The following ADGRL2 variants were observed in gnomAD, a reference collection of about 807,000 sequenced individuals.
The protein encoded by ADGRL2 is calcium-independent alpha-latrotoxin receptor 2.
ADGRL2 carries 44 observed loss-of-function variants against 157.4 expected under a neutral mutation model. That is an observed-to-expected ratio of 0.28 (90% CI 0.22 to 0.36). The LOEUF (loss-of-function observed/expected upper bound fraction) is 0.36. Ranked by LOEUF, ADGRL2 falls within the 10% of genes least tolerant of loss-of-function variation. The pLI, the probability that ADGRL2 is intolerant of heterozygous loss-of-function variation, is 1.00. For missense variants in ADGRL2, 1,510 were observed against 1,768.9 expected (o/e 0.85, Z 2.63); for synonymous variants, 585 against 624.7 (o/e 0.94, Z 0.95).
At chr1:81,402,743 C>T (rs1395575391) in intron 1 of ADGRL2, among the ~76,000 whole-genome samples, 2 of 152,220 alleles carry the variant, frequency 1.3e-5, no homozygotes, top group Non-Finnish European at 2.9e-5. Context: ...CTTGAAACTG[C>T]ACTGTCCACA....
intron 1 of ADGRL2, among the ~76,000 whole-genome samples, chr1:81,428,543 G>C (rs2077261375): frequency 6.6e-6 from 1 of 152,158 alleles, no homozygotes; most frequent in Non-Finnish European, 1.5e-5. Context: ...TCAAACAAGG[G>C]TCAGATGGTT....
rs201035324 is a variant in ADGRL2 at position 81,506,714 on chromosome 1, G to GAACAAAACAA, written c.-248+61658_-248+61667dup. 8.4e-3 allele frequency among the ~76,000 whole-genome samples: 1,175 copies of GAACAAAACAA among 140,310 alleles called. 12 individuals carry two copies. Among genetic ancestry groups the GAACAAAACAA allele is most frequent in the African/African-American group, 0.028 (981 of 34,700 alleles). 92.0% of individuals were successfully genotyped at this position (140,310 alleles called of 152,430 possible). On this transcript the variant is annotated intron_variant, in intron 2 of 24. Coordinates refer to the ADGRL2 transcript ENST00000370721. ...GACTGAGTGAGACCCAGTCTCAAAA[G>GAACAAAACAA]AACAAAACAAAACAAAACAAAACAA... is the stretch of plus-strand genomic sequence containing the variant.
At chr1:81,561,313 C>T (rs1426859070) in intron 2 of ADGRL2, among the ~76,000 whole-genome samples, 2 of 152,044 alleles carry the variant, frequency 1.3e-5, no homozygotes, top group Non-Finnish European at 2.9e-5. Flanking sequence ...AACTCCCAGA[C>T]CTGGAACAGT....
chr1:81,987,059 T>G, intron 22 of ADGRL2, 30 bp downstream of exon 22: 1 of 1,606,860 alleles, frequency 6.2e-7, no homozygotes, highest in Non-Finnish European at 8.5e-7. Flanking sequence ...AAAACTACCT[T>G]TCTTTGCTGC....
chr1:81,862,933 G>A (rs2093431141), intron 2 of ADGRL2, among the ~76,000 whole-genome samples: 1 of 152,078 alleles, frequency 6.6e-6, no homozygotes, highest in Non-Finnish European at 1.5e-5. Context: ...AAATACATAA[G>A]CATAATACTG....
At chr1:81,430,256 T>C (rs1570946545) in intron 1 of ADGRL2, among the ~76,000 whole-genome samples, 1 of 152,136 alleles carries the variant, frequency 6.6e-6, no homozygotes, top group East Asian at 1.9e-4. Flanking sequence ...GGCAATGTAG[T>C]AGCAAGTGCT....
chr1:81,640,895 C>CA (rs952334359), intron 3 of ADGRL2, among the ~76,000 whole-genome samples: 3 of 152,092 alleles, frequency 2.0e-5, no homozygotes, highest in East Asian at 1.9e-4. Flanking sequence ...TTAGTCCTTA[C>CA]AAAAAAACAG....
intron 1 of ADGRL2, among the ~76,000 whole-genome samples, chr1:81,817,838 G>A (rs145179958): frequency 1.3e-5 from 2 of 151,930 alleles, no homozygotes; most frequent in African/African-American, 4.8e-5. Flanking sequence ...ACTTTATTGA[G>A]ACGCACAGCA....
At chr1:81,591,672 C>T (rs1343331016) in intron 3 of ADGRL2, among the ~76,000 whole-genome samples, 1 of 152,130 alleles carries the variant, frequency 6.6e-6, no homozygotes, top group Non-Finnish European at 1.5e-5. Flanking sequence ...GACGGTACAT[C>T]ACTTCCATTA....
chr1:81,789,831 T>A (rs1226274891), intron 2 of ADGRL2, among the ~76,000 whole-genome samples: 3 of 151,856 alleles, frequency 2.0e-5, no homozygotes, highest in African/African-American at 7.3e-5. Context: ...TTTAAGATAA[T>A]ATTAATAAAA....
At chr1:81,373,812 A>C (rs2076200894) in intron 1 of ADGRL2, among the ~76,000 whole-genome samples, 1 of 152,198 alleles carries the variant, frequency 6.6e-6, no homozygotes, top group Non-Finnish European at 1.5e-5. Context: ...GGGCCACCAA[A>C]ATTGCAGATG....
Position 81,391,886 on chromosome 1 carries a change from A to G in ADGRL2, c.-301-53150A>G, listed in dbSNP as rs570838210. On this transcript the variant is annotated intron_variant, in intron 1 of 24. Coordinates refer to the ADGRL2 transcript ENST00000370721. ...ATCTAATATAATAAAAATATTAAGT[A>G]CTACCATTTATTAAATCCTTACCAT... Among the ~76,000 whole-genome samples the G allele has an allele frequency of 5.9e-5, 9 of 152,334 alleles. No individual in the cohort carries two copies. The East Asian group carries it at 1.7e-3, about 29-fold the overall frequency.
At chr1:81,693,186 G>T (rs2083377236) in intron 3 of ADGRL2, among the ~76,000 whole-genome samples, 1 of 152,048 alleles carries the variant, frequency 6.6e-6, no homozygotes, top group African/African-American at 2.4e-5. Flanking sequence ...TTGCCCAAGA[G>T]CTCACGCATT....
At chr1:81,403,496 C>G (rs890510509) in intron 1 of ADGRL2, among the ~76,000 whole-genome samples, 1 of 152,008 alleles carries the variant, frequency 6.6e-6, no homozygotes, top group Non-Finnish European at 1.5e-5. Context: ...GAACTCCTGA[C>G]CTCAGGTGAT....
At chr1:81,554,927 G>C (rs2080236594) in intron 2 of ADGRL2, among the ~76,000 whole-genome samples, 1 of 152,008 alleles carries the variant, frequency 6.6e-6, no homozygotes, top group Admixed American at 6.6e-5. Context: ...GAGGGGCAGA[G>C]AGACAGGTGC....
chr1:81,722,714 G>C, intron 1 of ADGRL2: 1 of 960,888 alleles, frequency 1.0e-6, no homozygotes, highest in South Asian at 1.3e-5. Flanking sequence ...AGCGAAACGT[G>C]AAGAGCGAGA....
chr1:81,764,630 T>C (rs756053172), intron 2 of ADGRL2, among the ~76,000 whole-genome samples: 23 of 152,034 alleles, frequency 1.5e-4, no homozygotes, highest in Non-Finnish European at 2.9e-4. Context: ...GAGGAATGCA[T>C]TGAGGAGTTA....
At chr1:81,378,566 T>TAAAAAAAA (rs58850012) in intron 1 of ADGRL2, among the ~76,000 whole-genome samples, 2 of 101,322 alleles carry the variant, frequency 2.0e-5, no homozygotes, top group Non-Finnish European at 3.7e-5. Flanking sequence ...CCTTGTATCT[T>TAAAAAAAA]AAAAAAAAAA....
At chr1:81,641,826 G>A (rs1013906993) in intron 3 of ADGRL2, among the ~76,000 whole-genome samples, 5 of 152,010 alleles carry the variant, frequency 3.3e-5, no homozygotes, top group Non-Finnish European at 5.9e-5. Flanking sequence ...GAAATAATAA[G>A]CATTAGAGCA....
Sources: allele counts gnomAD v4.1 joint callset (sites outside exome capture counted in the v4.1 genomes callset), GRCh38; gene constraint gnomAD v4.1.1; transcripts MANE v1.5; gene names NCBI Gene and HGNC (gene_info 2026-07-23, HGNC 2026-07-21).